Variants in DPRX observed in about 807,000 individuals in gnomAD.
DPRX encodes divergent-paired related homeobox.
A neutral mutation model predicts 8.4 loss-of-function variants in DPRX; 11 were observed. The observed-to-expected ratio is 1.31, with a 90% CI of 0.82 to 2.17. The LOEUF (loss-of-function observed/expected upper bound fraction) is 2.17, where lower values mean the gene tolerates loss of function less well. Ranked by LOEUF, DPRX falls within the 30% of genes most tolerant of loss-of-function variation. The pLI, the probability that DPRX is intolerant of heterozygous loss-of-function variation, is 0.00. For missense variants in DPRX, 211 were observed against 236.7 expected (o/e 0.89, Z 0.71); for synonymous variants, 72 against 87.0 (o/e 0.83, Z 0.96).
chr19:53,629,743 C>T (rs1484224700), upstream of DPRX: 3 of 152,000 alleles, frequency 2.0e-5, no homozygotes, highest in African/African-American at 7.3e-5. Flanking sequence ...CCTGTAATCC[C>T]AGCACTTTGG....
At chr19:53,604,045 C>T in the DPRX span, among the ~76,000 whole-genome samples, 2 of 152,098 alleles carry the variant, frequency 1.3e-5, no homozygotes, top group Admixed American at 6.6e-5. Context: ...CGCGCCCCGC[C>T]GTAATTGATA....
At chr19:53,634,347 C>T (rs1174661723) in intron 1 of DPRX, among the ~76,000 whole-genome samples, 184 bp from the exon 2 acceptor site, 1 of 152,146 alleles carries the variant, frequency 6.6e-6, no homozygotes, top group Non-Finnish European at 1.5e-5. Context: ...AGGAGAATCG[C>T]TTGAACTCAG....
At chr19:53,629,722 A>G (rs11878870), upstream of DPRX, 135,393 of 151,692 alleles carry the variant, frequency 0.89, 60,836 homozygotes, top group African/African-American at 0.97. Context: ...GGCCGGGTGC[A>G]GTGGCTCACA....
the DPRX span, among the ~76,000 whole-genome samples, chr19:53,611,517 G>A: frequency 6.6e-6 from 1 of 152,118 alleles, no homozygotes; most frequent in East Asian, 1.9e-4. Context: ...ATAGGCACGA[G>A]CCTCCGCGCC....
chr19:53,632,708 T>C (rs2091097826), intron 1 of DPRX, among the ~76,000 whole-genome samples: 1 of 151,978 alleles, frequency 6.6e-6, no homozygotes, highest in Non-Finnish European at 1.5e-5. Context: ...CCTCCCAAAG[T>C]GCTGGGATTA....
At chr19:53,613,750 C>T in the DPRX span, among the ~76,000 whole-genome samples, 1 of 151,854 alleles carries the variant, frequency 6.6e-6, no homozygotes, top group Non-Finnish European at 1.5e-5. Flanking sequence ...TCATTTCAAA[C>T]CCACATAACA....
chr19:53,602,053 C>T, the DPRX span: 1 of 456,628 alleles, frequency 2.2e-6, no homozygotes, highest in East Asian at 7.0e-5. Context: ...AAAGTGAATC[C>T]CACAATGAGC....
At chr19:53,631,978 G>C (rs1161522242), upstream of DPRX, 3 of 1,281,126 alleles carry the variant, frequency 2.3e-6, no homozygotes, top group African/African-American at 1.5e-5. Flanking sequence ...ATTGGAGGCA[G>C]ATAGGGCAGA....
chr19:53,611,496 G>C, the DPRX span, among the ~76,000 whole-genome samples: 3 of 152,038 alleles, frequency 2.0e-5, no homozygotes, highest in African/African-American at 7.2e-5. Flanking sequence ...GCCTCCCAAA[G>C]TTCTGGGATT....
upstream of DPRX, among the ~76,000 whole-genome samples, chr19:53,630,415 G>A (rs1009522275): frequency 2.0e-5 from 3 of 151,930 alleles, no homozygotes; most frequent in African/African-American, 7.2e-5. Context: ...AGCTGGGTAT[G>A]GTAGTGTGCA....
At chr19:53,613,857 A>AT in the DPRX span, among the ~76,000 whole-genome samples, 14 of 150,856 alleles carry the variant, frequency 9.3e-5, no homozygotes, top group South Asian at 1.3e-3. Flanking sequence ...GAGATTGAGG[A>AT]TTTTTTTTTC....
chr19:53,618,443 ATAC>A, the DPRX span, among the ~76,000 whole-genome samples: 1 of 151,806 alleles, frequency 6.6e-6, no homozygotes, highest in Non-Finnish European at 1.5e-5. Flanking sequence ...ACAGAAATAA[ATAC>A]TAATTAAAAA....
In DPRX at chr19:53,636,582, T is replaced by C. The variant is rs2091113351; in HGVS notation, c.184-14T>C. On this transcript the variant is annotated splice_polypyrimidine_tract_variant and intron_variant, in intron 2 of 2. Transcript: ENST00000376650. ...CTGAATTCCACCCCATTCTCTTCTCTCTCTTCCCTTCAGGTCTGGTTCAAG... is the reference window on the plus strand; with the variant it reads ...CTGAATTCCACCCCATTCTCTTCTCCCTCTTCCCTTCAGGTCTGGTTCAAG... The C allele has an allele frequency of 5.1e-6, 8 of 1,566,550 alleles. No homozygotes were observed. Among genetic ancestry groups the C allele is most frequent in the Admixed American group, 3.6e-5 (2 of 56,058 alleles).
At chr19:53,634,483 T>C (rs779356561) in intron 1 of DPRX, 48 bp from the exon 2 acceptor site, 3 of 1,574,882 alleles carry the variant, frequency 1.9e-6, no homozygotes, top group East Asian at 2.2e-5. Flanking sequence ...CTTTTGAGAA[T>C]GGAGTTGTTA....
chr19:53,602,156 C>T, the DPRX span: 2 of 456,208 alleles, frequency 4.4e-6, no homozygotes, highest in African/African-American at 2.0e-5. Flanking sequence ...GCATGGACAG[C>T]AGGACAACTG....
the DPRX span, chr19:53,601,296 G>A: frequency 4.4e-6 from 2 of 456,544 alleles, no homozygotes; most frequent in Admixed American, 2.4e-5. Flanking sequence ...ATTGGGCCCA[G>A]GTCTCAGTGG....
chr19:53,618,048 A>G, the DPRX span, among the ~76,000 whole-genome samples: 1 of 151,834 alleles, frequency 6.6e-6, no homozygotes, highest in Admixed American at 6.6e-5. Flanking sequence ...AGGCTGAGGC[A>G]GGAGAATCAC....
At chr19:53,619,548 G>C in the DPRX span, among the ~76,000 whole-genome samples, 1 of 151,728 alleles carries the variant, frequency 6.6e-6, no homozygotes, top group Non-Finnish European at 1.5e-5. Flanking sequence ...GGTGGTGCAT[G>C]CTTGTAATCC....
chr19:53,605,854 G>A, the DPRX span, among the ~76,000 whole-genome samples: 2 of 150,726 alleles, frequency 1.3e-5, no homozygotes, highest in African/African-American at 2.4e-5. Flanking sequence ...TTTTTGTTGA[G>A]ATGGAAGTCT....
Sources: allele counts gnomAD v4.1 joint callset (sites outside exome capture counted in the v4.1 genomes callset), GRCh38; gene constraint gnomAD v4.1.1; transcripts MANE v1.5; gene names NCBI Gene and HGNC (gene_info 2026-07-23, HGNC 2026-07-21).